The following ANP32B variants were observed in gnomAD, a reference collection of about 807,000 sequenced individuals.
ANP32B encodes the protein acidic leucine-rich nuclear phosphoprotein 32 family member B.
In ANP32B, 6 loss-of-function variants were observed where a neutral mutation model predicts 32.2. The ratio of observed to expected loss-of-function variants is 0.19; its 90% CI spans 0.10 to 0.37. The LOEUF (loss-of-function observed/expected upper bound fraction) is 0.37. Ranked by LOEUF, ANP32B falls within the 10% of genes least tolerant of loss-of-function variation. ANP32B has a pLI of 1.00. For synonymous variants in ANP32B, 98 were observed against 105.8 expected, an observed-to-expected ratio of 0.93 and a Z score of 0.45; for missense variants, 204 against 289.2, an observed-to-expected ratio of 0.71 and a Z score of 2.14.
chr9:98,009,844 G>A (rs1828149650), intron 4 of ANP32B, among the ~76,000 whole-genome samples: 1 of 152,216 alleles, frequency 6.6e-6, no homozygotes, highest in Non-Finnish European at 1.5e-5. Context: ...AGGAGTTTGG[G>A]TGCAGTTAAT....
At chr9:97,991,593 G>GT (rs1487700645) in intron 1 of ANP32B, among the ~76,000 whole-genome samples, 1 of 152,166 alleles carries the variant, frequency 6.6e-6, no homozygotes, top group Non-Finnish European at 1.5e-5. Context: ...GTTACAAAAA[G>GT]TAACAGTCAA....
At position 97,985,075 on chromosome 9, in the gene ANP32B, C is replaced by A. The variant is rs1256345362; in HGVS notation, c.54+1466C>A. On this transcript the variant is annotated intron_variant, in intron 1 of 6. Transcript: ENST00000339399. Reference sequence around the variant, plus strand: ...CTGCCCGCCGTCGCGAGCCCCCCCCCCGCCGCGGACCGGCGCGGGCCAGTT... The same window carrying A: ...CTGCCCGCCGTCGCGAGCCCCCCCCACGCCGCGGACCGGCGCGGGCCAGTT... 1.3e-4 allele frequency among the ~76,000 whole-genome samples: 19 copies of A among 150,396 alleles called. 1 individual carries two copies. The highest frequency in any genetic ancestry group is 3.3e-4 in the Admixed American group (5 of 15,180).
chr9:97,995,625 A>G (rs1827891343), intron 2 of ANP32B, among the ~76,000 whole-genome samples: 1 of 152,096 alleles, frequency 6.6e-6, no homozygotes, highest in African/African-American at 2.4e-5. Context: ...GAGTGGGTTA[A>G]GTATAATACA....
At chr9:98,010,345 GGGTGAGGCA>G (rs1408820662) in intron 4 of ANP32B, among the ~76,000 whole-genome samples, 2 of 151,522 alleles carry the variant, frequency 1.3e-5, no homozygotes, top group African/African-American at 2.4e-5. Context: ...CACTTGGGGA[GGGTGAGGCA>G]GGATGATTGC....
chr9:97,994,749 C>T lies in ANP32B; in HGVS notation c.173C>T (p.Ser58Leu). 6.2e-7 allele frequency: 1 copy of T among 1,606,862 alleles called. No individual in the cohort carries two copies. The highest frequency in any genetic ancestry group is 8.5e-7 in the Non-Finnish European group (1 of 1,177,022). The change falls in exon 2 of 7, where the codon TCA (serine) becomes TTA (leucine). Residue 58 changes from serine to leucine, a missense_variant. Physicochemically the swap from Ser to Leu is moderately radical, Grantham distance 145 (BLOSUM62 -2). Coordinates refer to ENST00000339399, the MANE Select transcript of ANP32B (RefSeq NM_006401.3). ...SLINVGLISV[S>L]NLPKLPKLKK... Reference sequence around the variant, plus strand: ...ATAAATGTAGGCTTGATCTCAGTTTCAAATCTCCCCAAGCTGCCTAAATTG... The same window carrying T: ...ATAAATGTAGGCTTGATCTCAGTTTTAAATCTCCCCAAGCTGCCTAAATTG...
At chr9:97,985,140 C>T (rs1827694820) in intron 1 of ANP32B, among the ~76,000 whole-genome samples, 2 of 151,510 alleles carry the variant, frequency 1.3e-5, no homozygotes, top group Admixed American at 6.6e-5. Context: ...AGTGGCTTTC[C>T]CGCGGAGGGC....
chr9:97,988,171 T>C (rs1827768708), intron 1 of ANP32B, among the ~76,000 whole-genome samples: 1 of 152,110 alleles, frequency 6.6e-6, no homozygotes, highest in Non-Finnish European at 1.5e-5. Flanking sequence ...AACATCTTTG[T>C]GTGTGTCCTT....
intron 1 of ANP32B, among the ~76,000 whole-genome samples, 162 bp downstream of exon 1, chr9:97,983,771 C>T (rs1379772936): frequency 3.3e-5 from 5 of 151,446 alleles, no homozygotes; most frequent in Admixed American, 6.6e-5. Flanking sequence ...GGGGAGCGAG[C>T]GCGCGAGGAT....
chr9:98,011,537 T>G (rs1391134036), intron 5 of ANP32B, 148 bp downstream of exon 5: 3 of 1,262,894 alleles, frequency 2.4e-6, no homozygotes, highest in African/African-American at 3.0e-5. Flanking sequence ...CTGGTTAATT[T>G]AGTGTTTGTC....
intron 5 of ANP32B, among the ~76,000 whole-genome samples, chr9:98,012,151 C>T (rs994072576): frequency 4.6e-5 from 7 of 152,094 alleles, no homozygotes; most frequent in Non-Finnish European, 8.8e-5. Flanking sequence ...AAGATGTTTT[C>T]TTGAATTATC....
At chr9:97,998,531 G>A (rs1587875029) in intron 2 of ANP32B, 25 bp from the exon 3 acceptor site, 2 of 1,594,854 alleles carry the variant, frequency 1.3e-6, no homozygotes, top group Non-Finnish European at 1.7e-6. Context: ...ATTTGTGTTT[G>A]TGTTGTGTCC....
At chr9:98,005,273 G>A (rs748048594) in intron 4 of ANP32B, 120 bp downstream of exon 4, 12 of 892,560 alleles carry the variant, frequency 1.3e-5, no homozygotes, top group Non-Finnish European at 2.0e-5. Context: ...TTGGGTGGCC[G>A]AGGCAGGGGG....
intron 3 of ANP32B, among the ~76,000 whole-genome samples, chr9:98,000,166 A>G (rs576256164): frequency 1.0e-3 from 153 of 152,296 alleles, no homozygotes; most frequent in Non-Finnish European, 1.8e-3. Context: ...ATTCTTTTAG[A>G]GAGGTCTCAC....
At chr9:98,002,485 T>A (rs572852617) in intron 3 of ANP32B, 3 of 152,368 alleles carry the variant, frequency 2.0e-5, no homozygotes, top group African/African-American at 7.2e-5. Flanking sequence ...TAATTTTTTT[T>A]AATCAGTATT....
chr9:97,992,270 A>G (rs1827840927), intron 1 of ANP32B, among the ~76,000 whole-genome samples: 1 of 151,974 alleles, frequency 6.6e-6, no homozygotes, highest in South Asian at 2.1e-4. Context: ...TTGTATTTTT[A>G]GTAGAGATGG....
intron 5 of ANP32B, 78 bp from the exon 6 acceptor site, chr9:98,012,343 G>T: frequency 6.6e-7 from 1 of 1,520,042 alleles, no homozygotes; most frequent in Non-Finnish European, 8.9e-7. Flanking sequence ...GTACTTCTTA[G>T]TTTGGCAGAA....
chr9:97,984,361 T>G (rs1827662198), intron 1 of ANP32B, among the ~76,000 whole-genome samples: 1 of 151,434 alleles, frequency 6.6e-6, no homozygotes, highest in African/African-American at 2.4e-5. Flanking sequence ...TCCCCCGTTC[T>G]CTCGCTCCCT....
intron 3 of ANP32B, among the ~76,000 whole-genome samples, chr9:98,003,483 C>T (rs975893211): frequency 2.0e-5 from 3 of 152,184 alleles, no homozygotes; most frequent in African/African-American, 7.2e-5. Flanking sequence ...ATGAGTGTGA[C>T]TGTGTTCCAA....
At chr9:97,996,242 T>G (rs1043385967) in intron 2 of ANP32B, among the ~76,000 whole-genome samples, 3 of 152,214 alleles carry the variant, frequency 2.0e-5, no homozygotes, top group African/African-American at 7.2e-5. Flanking sequence ...GTGTGTTTTG[T>G]GTTGTTTTCC....
Sources: gnomAD v4.1 joint callset for allele counts (sites outside exome capture counted in the v4.1 genomes callset) on GRCh38, gnomAD v4.1.1 for gene constraint, MANE v1.5 for transcripts, NCBI Gene and HGNC (gene_info 2026-07-23, HGNC 2026-07-21) for gene names.